Variants in AQP4 observed in about 807,000 individuals in gnomAD.
AQP4 encodes aquaporin 4, also known as aquaporin-4.
AQP4 carries 18 observed loss-of-function variants against 27.8 expected under a neutral mutation model. The ratio of observed to expected loss-of-function variants is 0.65; its 90% CI spans 0.45 to 0.96. AQP4 has a LOEUF of 0.96. AQP4 is among the 40% of genes least tolerant of loss of function. The pLI is 0.00. For synonymous variants in AQP4, 141 were observed against 142.9 expected (o/e 0.99, Z 0.10); for missense variants, 412 against 408.2 (o/e 1.01, Z -0.08).
In AQP4 at chr18:26,855,403, C is replaced by G. The variant is rs1447329686; in HGVS notation, c.*808G>C. The G allele has an allele frequency of 6.6e-6, 1 of 152,130 alleles. No individual in the cohort carries two copies. Among genetic ancestry groups the G allele is most frequent in the Non-Finnish European group, 1.5e-5 (1 of 68,042 alleles). The allele number at this position is 152,130 out of a possible 1,614,324, so 9.4% of individuals were successfully genotyped here. A position where few individuals can be genotyped will look rare whatever the true frequency, so the allele number is the denominator to read the frequency against. On this transcript the variant is annotated 3_prime_UTR_variant, in exon 5 of 5. Transcript: ENST00000383168. ...GGGTGTGCACTGAAAACAGATCAAC[C>G]GTTTGATACCCGAATACAGATCTCC...
At position 26,854,664 on chromosome 18, in the gene AQP4, GAC is replaced by G. The variant is rs1568063463; in HGVS notation, c.*1545_*1546del. 6.6e-6 allele frequency: 1 copy of G among 152,668 alleles called. No individual in the cohort carries two copies. Among genetic ancestry groups the G allele is most frequent in the Non-Finnish European group, 1.5e-5 (1 of 68,056 alleles). The allele number at this position is 152,668 out of a possible 1,614,324, so 9.5% of individuals were successfully genotyped here. ...ACAACTGCCATTAACGCTAAAAAGT[GAC>G]ACAGAGTTGGAACCATGCTTGAGAG... On this transcript the variant is annotated 3_prime_UTR_variant, in exon 5 of 5. Transcript: ENST00000383168.
Position 26,856,431 on chromosome 18 carries a change from ACATACT to A in AQP4, c.746_751del (p.Glu249_Tyr250del), listed in dbSNP as rs1374332437. 15 of 1,614,098 alleles carry A rather than the reference ACATACT, an allele frequency of 9.3e-6. No individual in the cohort carries two copies. Among genetic ancestry groups the A allele is most frequent in the Non-Finnish European group, 1.2e-5 (14 of 1,180,046 alleles). ...TTTGAATTCAACATCTGGACAGAAG[ACATACT>A]CATAAAGGCCACCAGCGAGGACAGC... On this transcript the variant is annotated inframe_deletion, in exon 5 of 5. Transcript: ENST00000383168.
intron 1 of AQP4, chr18:26,863,001 G>GA (rs66873090): frequency 0.17 from 29,831 of 172,834 alleles, 5,223 homozygotes; most frequent in East Asian, 0.41. Context: ...GTGCGTGGGG[G>GA]GGGGGGGTCG....
chr18:26,859,717 G>A (rs917508612), intron 4 of AQP4, among the ~76,000 whole-genome samples: 1 of 152,032 alleles, frequency 6.6e-6, no homozygotes, highest in Non-Finnish European at 1.5e-5. Context: ...TTAAAGATTT[G>A]GTATACTTTT....
Position 26,862,303 on chromosome 18 carries a change from T to C in AQP4, c.326A>G (p.Lys109Arg), listed in dbSNP as rs866688547. Residue 109 changes from lysine (K) to arginine (R), a missense_variant, in exon 2 of 5, where the codon AAG becomes AGG. Transcript: ENST00000383168. ...AVTVAMVCTR[K>R]ISIAKSVFYI... ...GAAGACAGACTTGGCGATGCTGATCTTCCTGGTGCACACCATGGCCACAGT... is the reference window on the plus strand; with the variant it reads ...GAAGACAGACTTGGCGATGCTGATCCTCCTGGTGCACACCATGGCCACAGT... 2 of 1,614,138 alleles carry C rather than the reference T, an allele frequency of 1.2e-6. No individual in the cohort carries two copies. Among genetic ancestry groups the C allele is most frequent in the African/African-American group, 2.7e-5 (2 of 74,948 alleles).
Position 26,855,846 on chromosome 18 carries a change from C to T in AQP4, c.*365G>A. 3.4e-6 allele frequency: 1 copy of T among 292,346 alleles called. No homozygotes were observed. Among genetic ancestry groups the T allele is most frequent in the Non-Finnish European group, 6.6e-6 (1 of 151,162 alleles). The allele number at this position is 292,346 out of a possible 1,614,324, so 18.1% of individuals were successfully genotyped here. On this transcript the variant is annotated 3_prime_UTR_variant, in exon 5 of 5. Coordinates refer to ENST00000383168, the MANE Select transcript of AQP4 (RefSeq NM_001650.7). ...ATATTCAAATAAGAATTGACTATACCAATATTCCAGTAGAGAAGGAATAAG... is the reference window on the plus strand; with the variant it reads ...ATATTCAAATAAGAATTGACTATACTAATATTCCAGTAGAGAAGGAATAAG...
In AQP4 at chr18:26,856,295, A is replaced by G; in HGVS notation, c.888T>C (p.Pro296=). 1 of 1,614,144 alleles carries G rather than the reference A, an allele frequency of 6.2e-7. No homozygotes were observed. Among genetic ancestry groups the G allele is most frequent in the Admixed American group, 1.7e-5 (1 of 60,028 alleles). Residue 296 remains proline (P), a synonymous_variant, in exon 5 of 5, where the codon CCT becomes CCC. Coordinates refer to ENST00000383168, the MANE Select transcript of AQP4 (RefSeq NM_001650.7). ...QVETDDLILK[P]GVVHVIDVDR... ...CAACGTCAATCACATGCACCACTCC[A>G]GGTTTTAGAATCAGGTCATCCGTCT...
At chr18:26,857,134 G>A (rs73945979) in intron 4 of AQP4, among the ~76,000 whole-genome samples, 4,690 of 152,148 alleles carry the variant, frequency 0.031, 98 homozygotes, top group South Asian at 0.096. Context: ...TTTTTAGCTC[G>A]TAGTAATCTG....
chr18:26,862,637 C>A, intron 1 of AQP4, 41 bp from the exon 2 acceptor site: 2 of 1,613,482 alleles, frequency 1.2e-6, no homozygotes, highest in Non-Finnish European at 1.7e-6. Flanking sequence ...CCACTACACC[C>A]AGGTTTATGA....
At chr18:26,857,319 A>G (rs1375317519) in intron 4 of AQP4, among the ~76,000 whole-genome samples, 1 of 66,384 alleles carries the variant, frequency 1.5e-5, no homozygotes, top group African/African-American at 5.5e-5. Flanking sequence ...GGAAATTATT[A>G]TTATTATTAT....
intron 1 of AQP4, 102 bp downstream of exon 1, chr18:26,865,556 C>T: frequency 6.7e-7 from 1 of 1,488,760 alleles, no homozygotes; most frequent in Non-Finnish European, 9.4e-7. Context: ...CCTATAGCTG[C>T]CTTCCAGATT....
At chr18:26,861,470 A>G (rs2054943474) in intron 2 of AQP4, among the ~76,000 whole-genome samples, 175 bp from the exon 3 acceptor site, 1 of 152,206 alleles carries the variant, frequency 6.6e-6, no homozygotes, top group Non-Finnish European at 1.5e-5. Context: ...GAATAAATTT[A>G]TATTCATTTT....
Position 26,854,252 on chromosome 18 carries a change from C to T in AQP4, c.*1959G>A, listed in dbSNP as rs565670184. On this transcript the variant is annotated 3_prime_UTR_variant, in exon 5 of 5. Transcript: ENST00000383168. ...ATTCAAAAAATCTGCTTAACACTTC[C>T]TTGTTAACCGAACTTATTTTTAAAC... 4 of 152,318 alleles carry T rather than the reference C, an allele frequency of 2.6e-5. No individual in the cohort carries two copies. The highest frequency in any genetic ancestry group is 1.9e-4 in the East Asian group (1 of 5,186). 9.4% of individuals were successfully genotyped at this position (152,318 alleles called of 1,614,324 possible). A position where few individuals can be genotyped will look rare whatever the true frequency, so the allele number is the denominator to read the frequency against.
chr18:26,861,015 G>T, intron 3 of AQP4, 116 bp downstream of exon 3: 1 of 1,416,194 alleles, frequency 7.1e-7, no homozygotes, highest in Non-Finnish European at 1.0e-6. Flanking sequence ...AACCTAAAAT[G>T]GACAGTCATG....
Position 26,856,114 on chromosome 18 carries a change from C to G in AQP4, c.*97G>C, listed in dbSNP as rs2054835599. Reference sequence around the variant, plus strand: ...TATGACATGAAACAACAAACCTGCACATTTCTAATTTATAACAAATCTGTT... The same window carrying G: ...TATGACATGAAACAACAAACCTGCAGATTTCTAATTTATAACAAATCTGTT... On this transcript the variant is annotated 3_prime_UTR_variant, in exon 5 of 5. Transcript: ENST00000383168. 1.4e-6 allele frequency: 2 copies of G among 1,466,312 alleles called. No homozygotes were observed. The highest frequency in any genetic ancestry group is 1.8e-4 in the Middle Eastern group (1 of 5,588). The allele number at this position is 1,466,312 out of a possible 1,614,324, so 90.8% of individuals were successfully genotyped here.
chr18:26,861,402 T>C (rs1363992936), intron 2 of AQP4, 107 bp from the exon 3 acceptor site: 1 of 1,124,782 alleles, frequency 8.9e-7, no homozygotes, highest in Non-Finnish European at 1.3e-6. Context: ...AAAGTAAAGG[T>C]AAGTCTTCTA....
intron 4 of AQP4, among the ~76,000 whole-genome samples, chr18:26,859,033 G>A (rs1057204028): frequency 3.9e-5 from 6 of 151,946 alleles, no homozygotes; most frequent in Admixed American, 3.9e-4. Flanking sequence ...TATAACATGG[G>A]GCAACTTTTA....
chr18:26,853,132 A>G lies in AQP4; in HGVS notation c.*3079T>C. 2.7e-6 allele frequency: 1 copy of G among 371,050 alleles called. No homozygotes were observed. The highest frequency in any genetic ancestry group is 3.9e-5 in the East Asian group (1 of 25,948). 23.0% of individuals were successfully genotyped at this position (371,050 alleles called of 1,614,324 possible). A position where few individuals can be genotyped will look rare whatever the true frequency, so the allele number is the denominator to read the frequency against. ...CACATATGTTTTCCAAAGATTTCTA[A>G]TCTCCTTGTAAAGTCTTCAATACTG... On this transcript the variant is annotated 3_prime_UTR_variant, in exon 5 of 5. Transcript: ENST00000383168.
rs1464351063 is a variant in AQP4, at chr18:26,852,783, G to T, written c.*3428C>A. On this transcript the variant is annotated 3_prime_UTR_variant, in exon 5 of 5. Coordinates refer to ENST00000383168, the MANE Select transcript of AQP4 (RefSeq NM_001650.7). Reference sequence around the variant, plus strand: ...TTTAGGTATAAAATGTTCTGAATTTGCAAATTCTATAGTGCTTATGAGAAT... The same window carrying T: ...TTTAGGTATAAAATGTTCTGAATTTTCAAATTCTATAGTGCTTATGAGAAT... 14 of 398,446 alleles carry T rather than the reference G, an allele frequency of 3.5e-5. No homozygotes were observed. The East Asian group carries it at 4.3e-4, about 12-fold the overall frequency. 24.7% of individuals were successfully genotyped at this position (398,446 alleles called of 1,614,324 possible). A position where few individuals can be genotyped will look rare whatever the true frequency, so the allele number is the denominator to read the frequency against.
Sources: gnomAD v4.1 joint callset for allele counts (sites outside exome capture counted in the v4.1 genomes callset) on GRCh38, gnomAD v4.1.1 for gene constraint, MANE v1.5 for transcripts, NCBI Gene and HGNC (gene_info 2026-07-23, HGNC 2026-07-21) for gene names.